The following PPP1R16B variants were observed in gnomAD, a reference collection of about 807,000 sequenced individuals.
PPP1R16B encodes protein phosphatase 1 regulatory inhibitor subunit 16B.
PPP1R16B carries 14 observed loss-of-function variants against 61.7 expected under a neutral mutation model. The observed-to-expected ratio is 0.23, with a 90% CI of 0.15 to 0.35. The LOEUF (loss-of-function observed/expected upper bound fraction) is 0.35. Ranked by LOEUF, PPP1R16B falls within the 10% of genes least tolerant of loss-of-function variation. PPP1R16B has a pLI of 1.00. For missense variants in PPP1R16B, 547 were observed against 752.5 expected (o/e 0.73, Z 3.19); for synonymous variants, 266 against 305.3 (o/e 0.87, Z 1.34).
At chr20:38,867,690 C>T (rs1341629041) in intron 2 of PPP1R16B, among the ~76,000 whole-genome samples, 6 of 151,820 alleles carry the variant, frequency 4.0e-5, no homozygotes, top group East Asian at 3.9e-4. Flanking sequence ...TTTTTCCCCC[C>T]GAGATGGAGT....
intron 4 of PPP1R16B, among the ~76,000 whole-genome samples, chr20:38,897,146 CAAAT>C (rs560462506): frequency 6.6e-6 from 1 of 151,768 alleles, no homozygotes; most frequent in Admixed American, 6.6e-5. Flanking sequence ...AACTGCACCT[CAAAT>C]AAATAAATAA....
chr20:38,891,894 G>A (rs969432952), intron 3 of PPP1R16B, among the ~76,000 whole-genome samples: 2 of 152,144 alleles, frequency 1.3e-5, no homozygotes, highest in African/African-American at 4.8e-5. Context: ...TGATGGAAAT[G>A]TTCTGTGTTT....
intron 2 of PPP1R16B, among the ~76,000 whole-genome samples, chr20:38,867,682 T>C (rs1398583294): frequency 1.3e-5 from 2 of 152,062 alleles, no homozygotes; most frequent in Non-Finnish European, 2.9e-5. Flanking sequence ...GATTCTTTTT[T>C]TTCCCCCCGA....
At chr20:38,905,231 C>G (rs375556526) in intron 6 of PPP1R16B, among the ~76,000 whole-genome samples, 40 of 152,212 alleles carry the variant, frequency 2.6e-4, no homozygotes, top group African/African-American at 8.2e-4. Context: ...CTTGGTGGCT[C>G]TCATGATATT....
chr20:38,893,730 A>T (rs2085309687), intron 3 of PPP1R16B, among the ~76,000 whole-genome samples: 1 of 152,038 alleles, frequency 6.6e-6, no homozygotes, highest in African/African-American at 2.4e-5. Context: ...GCCCTTATTC[A>T]GGCCGGGTCT....
In PPP1R16B at chr20:38,907,538, T is replaced by C. The variant is rs1445285163; in HGVS notation, c.899-268T>C. ...CTGCTTGGGGACTCTTCTTGGAAAC[T>C]ATCAAAGAGCAACATGAATCCCTCG... On this transcript the variant is annotated intron_variant, in intron 8 of 10. Transcript: ENST00000299824. The surrounding 1 kb of genome is among the most constrained non-coding windows in gnomAD (Gnocchi z 4.5). 6.6e-6 allele frequency among the ~76,000 whole-genome samples: 1 copy of C among 152,204 alleles called. No homozygotes were observed. Among genetic ancestry groups the C allele is most frequent in the Non-Finnish European group, 1.5e-5 (1 of 68,030 alleles).
At chr20:38,888,153 C>T (rs374671776) in intron 2 of PPP1R16B, among the ~76,000 whole-genome samples, 11 of 152,246 alleles carry the variant, frequency 7.2e-5, no homozygotes, top group East Asian at 3.8e-4. Context: ...TGAACCGTAG[C>T]GTGGAGATAG....
intron 1 of PPP1R16B, among the ~76,000 whole-genome samples, chr20:38,816,015 G>A (rs750748210): frequency 7.2e-5 from 11 of 152,030 alleles, no homozygotes; most frequent in Middle Eastern, 3.4e-3. Flanking sequence ...ATAAAATACC[G>A]TATGCATTAT....
At position 38,873,743 on chromosome 20, in the gene PPP1R16B, G is replaced by GTT. The variant is rs36003556; in HGVS notation, c.251-15840_251-15839dup. 6.0e-4 allele frequency among the ~76,000 whole-genome samples: 84 copies of GTT among 140,726 alleles called. 1 individual carries two copies. The highest frequency in any genetic ancestry group is 6.4e-4 in the Admixed American group (9 of 14,052). The allele number at this position is 140,726 out of a possible 152,430, so 92.3% of individuals were successfully genotyped here. ...ACAGAAGCTGAAACATCTTTTTTTTGTTTTTTTTTTTTTGAGATGGAGTCT... is the reference window on the plus strand; with the variant it reads ...ACAGAAGCTGAAACATCTTTTTTTTGTTTTTTTTTTTTTTTGAGATGGAGTCT... On this transcript the variant is annotated intron_variant, in intron 2 of 10. Transcript: ENST00000299824.
chr20:38,876,322 GT>G (rs1601281545), intron 2 of PPP1R16B, among the ~76,000 whole-genome samples: 1 of 152,238 alleles, frequency 6.6e-6, no homozygotes, highest in East Asian at 1.9e-4. Flanking sequence ...GATCAGCAAA[GT>G]TTTTCTGCAA....
intron 6 of PPP1R16B, among the ~76,000 whole-genome samples, chr20:38,903,604 T>G (rs4810242): frequency 0.34 from 51,393 of 151,484 alleles, 8,919 homozygotes; most frequent in Middle Eastern, 0.52. Flanking sequence ...CATCCATCCA[T>G]CCATCCATCC....
intron 1 of PPP1R16B, among the ~76,000 whole-genome samples, chr20:38,831,912 T>C (rs2084839720): frequency 1.3e-5 from 2 of 152,254 alleles, no homozygotes; most frequent in Admixed American, 1.3e-4. Context: ...CCTTTTGGGC[T>C]GGGCAGCCAC....
chr20:38,809,941 C>T (rs952694738), intron 1 of PPP1R16B, among the ~76,000 whole-genome samples: 2 of 137,592 alleles, frequency 1.5e-5, no homozygotes, highest in Non-Finnish European at 3.1e-5. Flanking sequence ...TGATTGCGTG[C>T]ACCTCTGCAC....
intron 1 of PPP1R16B, among the ~76,000 whole-genome samples, chr20:38,817,930 G>A (rs2084749298): frequency 6.6e-6 from 1 of 152,244 alleles, no homozygotes; most frequent in African/African-American, 2.4e-5. Flanking sequence ...TGTAGTCCCA[G>A]CTGCTCGGGA....
intron 2 of PPP1R16B, among the ~76,000 whole-genome samples, chr20:38,875,718 T>C (rs997046870): frequency 6.6e-6 from 1 of 151,824 alleles, no homozygotes; most frequent in Non-Finnish European, 1.5e-5. Context: ...TGTGGCTGCT[T>C]TCAGAGGGGA....
rs34203271 is a variant in PPP1R16B, at chr20:38,841,353, GAAAAAAAAAAA to G, written c.250+5196_250+5206del. ...CCAGCCTGGAGAGCCTGTCTGTACT[GAAAAAAAAAAA>G]AAAAAAAAAAAAAAAAAGCCAGCCG... On this transcript the variant is annotated intron_variant, in intron 2 of 10. Transcript: ENST00000299824. Among the ~76,000 whole-genome samples, 281 of 42,604 alleles carry G rather than the reference GAAAAAAAAAAA, an allele frequency of 6.6e-3. 4 individuals carry two copies. The highest frequency in any genetic ancestry group is 0.021 in the African/African-American group (260 of 12,600). 27.9% of individuals were successfully genotyped at this position (42,604 alleles called of 152,430 possible). A position where few individuals can be genotyped will look rare whatever the true frequency, so the allele number is the denominator to read the frequency against.
At position 38,907,071 on chromosome 20, in the gene PPP1R16B, A is replaced by C. The variant is rs537653759; in HGVS notation, c.898+17A>C. On this transcript the variant is annotated intron_variant, in intron 8 of 10. Transcript: ENST00000299824. The surrounding 1 kb of genome is among the most constrained non-coding windows in gnomAD (Gnocchi z 4.5). ...TGCCAATAGGTAAGTCCAGCACAAT[A>C]GCTGGTGTGCACAAATAGGCAGTTA... is the stretch of plus-strand genomic sequence containing the variant. 1.4e-5 allele frequency: 22 copies of C among 1,593,038 alleles called. No individual in the cohort carries two copies. The highest frequency in any genetic ancestry group is 1.9e-5 in the Non-Finnish European group (22 of 1,160,846).
Position 38,919,213 on chromosome 20 carries a change from G to A in PPP1R16B, c.*547G>A, listed in dbSNP as rs530143176. On this transcript the variant is annotated 3_prime_UTR_variant, in exon 11 of 11. Coordinates refer to ENST00000299824, the MANE Select transcript of PPP1R16B (RefSeq NM_015568.4). ...AAGCTGAGACCCATAGTCCTGCTCA[G>A]AGTTATCCCAAAGTCTGAGCCACCA... The A allele has an allele frequency of 1.3e-3, 203 of 152,872 alleles. 1 individual carries two copies. The highest frequency in any genetic ancestry group is 2.1e-3 in the Non-Finnish European group (142 of 68,168). 9.5% of individuals were successfully genotyped at this position (152,872 alleles called of 1,614,324 possible). A position where few individuals can be genotyped will look rare whatever the true frequency, so the allele number is the denominator to read the frequency against.
At chr20:38,902,081 T>C (rs1384839532) in intron 5 of PPP1R16B, among the ~76,000 whole-genome samples, 1 of 152,264 alleles carries the variant, frequency 6.6e-6, no homozygotes, top group Non-Finnish European at 1.5e-5. Flanking sequence ...AAATACTGTT[T>C]GTAGCTGTCA....
Sources: gnomAD v4.1 joint callset for allele counts (sites outside exome capture counted in the v4.1 genomes callset) on GRCh38, gnomAD v4.1.1 for gene constraint, Gnocchi (gnomAD v3.1) non-coding constraint, MANE v1.5 for transcripts, NCBI Gene and HGNC (gene_info 2026-07-23, HGNC 2026-07-21) for gene names.